C8A: variants seen among roughly 807,000 people sequenced by gnomAD.
The protein encoded by C8A is complement component C8 alpha chain.
A neutral mutation model predicts 65.3 loss-of-function variants in C8A; 67 were observed. The observed-to-expected ratio is 1.03, with a 90% CI of 0.84 to 1.26. The LOEUF is 1.26. C8A is among the 50% of genes most tolerant of loss of function. The pLI, the probability that C8A is intolerant of heterozygous loss-of-function variation, is 0.00. For synonymous variants in C8A, 290 were observed against 259.4 expected (o/e 1.12, Z -1.13); for missense variants, 781 against 723.9 (o/e 1.08, Z -0.90).
chr1:56,865,839 G>C (rs1644080635), intron 1 of C8A, among the ~76,000 whole-genome samples: 1 of 152,126 alleles, frequency 6.6e-6, no homozygotes, highest in African/African-American at 2.4e-5. Flanking sequence ...TTGATGTTTA[G>C]ATATTATACA....
chr1:56,912,728 C>T, intron 10 of C8A, 103 bp downstream of exon 10: 42 of 1,011,852 alleles, frequency 4.2e-5, no homozygotes. Flanking sequence ...TGGAGCTCTC[C>T]TAGCCAATAC....
At position 56,917,795 on chromosome 1, in the gene C8A, C is replaced by A; in HGVS notation, c.*79C>A. The A allele has an allele frequency of 6.5e-7, 1 of 1,549,390 alleles. No homozygotes were observed. The highest frequency in any genetic ancestry group is 8.9e-7 in the Non-Finnish European group (1 of 1,126,690). Reference sequence around the variant, plus strand: ...ACTATTGGATAAAGACTTCTTTCAACTAAGAGAAGATGCAAATCAGCACAC... The same window carrying A: ...ACTATTGGATAAAGACTTCTTTCAAATAAGAGAAGATGCAAATCAGCACAC... On this transcript the variant is annotated 3_prime_UTR_variant, in exon 11 of 11. Coordinates refer to ENST00000361249, the MANE Select transcript of C8A (RefSeq NM_000562.3).
intron 3 of C8A, 25 bp downstream of exon 3, chr1:56,875,118 C>T (rs1165737210): frequency 6.2e-7 from 1 of 1,611,246 alleles, no homozygotes; most frequent in African/African-American, 1.3e-5. Flanking sequence ...AGCAGAATAA[C>T]AGCTGTGCCT....
chr1:56,917,408 A>G (rs765238121), intron 10 of C8A, among the ~76,000 whole-genome samples, 157 bp from the exon 11 acceptor site: 5 of 152,222 alleles, frequency 3.3e-5, no homozygotes, highest in African/African-American at 4.8e-5. Flanking sequence ...TATGTACCTT[A>G]TCTGTACGTA....
intron 1 of C8A, among the ~76,000 whole-genome samples, chr1:56,856,658 C>T: frequency 6.6e-6 from 1 of 152,016 alleles, no homozygotes; most frequent in Middle Eastern, 3.2e-3. Context: ...TAATGGTACA[C>T]ATTTATTTTA....
chr1:56,902,442 T>G (rs1179755926), intron 7 of C8A, among the ~76,000 whole-genome samples: 3 of 152,200 alleles, frequency 2.0e-5, no homozygotes, highest in African/African-American at 7.2e-5. Flanking sequence ...GATGTGGCTT[T>G]GAACATCTTC....
In C8A at chr1:56,883,681, G is replaced by A. The variant is rs944126729; in HGVS notation, c.855G>A (p.Lys285=). ...FLNELNKYNE[K]KFIFTRIFTK... is the part of the protein sequence containing the mutation. ...ACGAATTAAACAAGTATAATGAGAA[G>A]GTATTCAAACATAATGTCTGTGTCT... Residue 285 remains lysine (K), a splice_region_variant and synonymous_variant, in exon 6 of 11, where the codon AAG becomes AAA. Coordinates refer to ENST00000361249, the MANE Select transcript of C8A (RefSeq NM_000562.3). 7 of 1,610,950 alleles carry A rather than the reference G, an allele frequency of 4.3e-6. No individual in the cohort carries two copies. Among genetic ancestry groups the A allele is most frequent in the Admixed American group, 1.7e-5 (1 of 59,882 alleles).
At chr1:56,867,047 G>A (rs1644096142) in intron 1 of C8A, among the ~76,000 whole-genome samples, 2 of 152,092 alleles carry the variant, frequency 1.3e-5, no homozygotes, top group Admixed American at 1.3e-4. Flanking sequence ...TTATCTCCAA[G>A]GATTGTTATA....
chr1:56,906,799 G>A lies in C8A; in HGVS notation c.1222+7G>A. The A allele has an allele frequency of 6.2e-7, 1 of 1,614,028 alleles. No individual in the cohort carries two copies. Among genetic ancestry groups the A allele is most frequent in the South Asian group, 1.1e-5 (1 of 91,074 alleles). On this transcript the variant is annotated splice_region_variant and intron_variant, in intron 8 of 10. Transcript: ENST00000361249. ...TTTGGAGGTGGCAAAACTGGCAAGT[G>A]TTTAGTAATAGATCTCCCAAAAAGA...
At chr1:56,865,486 G>A (rs973970490) in intron 1 of C8A, among the ~76,000 whole-genome samples, 1 of 152,160 alleles carries the variant, frequency 6.6e-6, no homozygotes, top group South Asian at 2.1e-4. Flanking sequence ...CTTCACCCTC[G>A]TGACTTAGTC....
In C8A at chr1:56,917,760, C is replaced by T; in HGVS notation, c.*44C>T. ...TGGACCAGATGCTGTGGATGTCGAC[C>T]CCTGCACTGACTATTGGATAAAGAC... On this transcript the variant is annotated 3_prime_UTR_variant, in exon 11 of 11. Transcript: ENST00000361249. 2 of 1,608,754 alleles carry T rather than the reference C, an allele frequency of 1.2e-6. No individual in the cohort carries two copies. The highest frequency in any genetic ancestry group is 1.7e-6 in the Non-Finnish European group (2 of 1,176,186).
At chr1:56,859,734 C>T (rs910969350) in intron 1 of C8A, among the ~76,000 whole-genome samples, 2 of 150,186 alleles carry the variant, frequency 1.3e-5, no homozygotes, top group Admixed American at 6.7e-5. Flanking sequence ...TACAGTGTAG[C>T]GATGGAGTTA....
intron 6 of C8A, among the ~76,000 whole-genome samples, chr1:56,885,597 CTA>C (rs1644293332): frequency 7.0e-6 from 1 of 142,752 alleles, no homozygotes; most frequent in Non-Finnish European, 1.5e-5. Flanking sequence ...GAGTCTTGCT[CTA>C]TTGCCAGGCT....
intron 5 of C8A, among the ~76,000 whole-genome samples, chr1:56,882,494 G>A (rs1302532669): frequency 1.3e-5 from 2 of 152,128 alleles, no homozygotes; most frequent in Admixed American, 6.6e-5. Flanking sequence ...ACCTAGATCT[G>A]TCTGAACTAA....
rs370160721 is a variant in C8A at position 56,881,497 on chromosome 1, T to C, written c.517T>C (p.Tyr173His). The C allele has an allele frequency of 1.1e-5, 17 of 1,613,802 alleles. No individual in the cohort carries two copies. The highest frequency in any genetic ancestry group is 2.2e-5 in the South Asian group (2 of 91,074). ...TCAGAGTGTGTACGATGCCAGTTAT[T>C]ATGGGGGCCAGTGTGAGACGGTATA... ...DAQSVYDASY[Y>H]GGQCETVYNG... Residue 173 changes from tyrosine to histidine, a missense_variant, in exon 5 of 11, where the codon TAT becomes CAT. Transcript: ENST00000361249.
Position 56,876,088 on chromosome 1 carries a change from T to A in C8A, c.343T>A (p.Cys115Ser). ...TCGCTGCCTGAAACGCCACCTTGTG[T>A]GTAATGGAGACCAGGACTGCCTTGA... is the stretch of plus-strand genomic sequence containing the variant. ...TGRCLKRHLV[C>S]NGDQDCLDGS... The change falls in exon 4 of 11, where the codon TGT becomes AGT. Residue 115 changes from cysteine to serine, a missense_variant. Physicochemically the swap from Cys to Ser is moderately radical, Grantham distance 112 (BLOSUM62 -1). Coordinates refer to ENST00000361249, the MANE Select transcript of C8A (RefSeq NM_000562.3). 1 of 1,613,702 alleles carries A rather than the reference T, an allele frequency of 6.2e-7. No homozygotes were observed. The highest frequency in any genetic ancestry group is 1.1e-5 in the South Asian group (1 of 91,076).
intron 9 of C8A, among the ~76,000 whole-genome samples, chr1:56,908,332 G>C (rs117817666): frequency 6.6e-6 from 1 of 152,182 alleles, no homozygotes; most frequent in African/African-American, 2.4e-5. Context: ...GATCTAGTCA[G>C]TGCCTAGTTT....
In C8A at chr1:56,896,122, A is replaced by T. The variant is rs561203651; in HGVS notation, c.1096+9955A>T. On this transcript the variant is annotated intron_variant, in intron 7 of 10. Transcript: ENST00000361249. ...TTTAAATAAAGGAAAAATCATCAAT[A>T]GCCCTAAGGGAGGCATTGGGAAGTG... 1.4e-4 allele frequency among the ~76,000 whole-genome samples: 21 copies of T among 152,308 alleles called. No individual in the cohort carries two copies. The South Asian group carries it at 4.1e-3, about 30-fold the overall frequency.
intron 1 of C8A, among the ~76,000 whole-genome samples, chr1:56,858,122 C>A (rs1484181220): frequency 1.3e-5 from 2 of 152,148 alleles, no homozygotes; most frequent in Non-Finnish European, 2.9e-5. Context: ...TCATTATCCT[C>A]TTAATTCTCC....
Sources: allele counts gnomAD v4.1 joint callset (sites outside exome capture counted in the v4.1 genomes callset), GRCh38; gene constraint gnomAD v4.1.1; transcripts MANE v1.5; gene names NCBI Gene and HGNC (gene_info 2026-07-23, HGNC 2026-07-21).